Variants in PRTG observed in about 807,000 individuals in gnomAD.
PRTG encodes the protein protogenin, also known as immunoglobulin superfamily, DCC subclass, member 5.
PRTG carries 67 observed loss-of-function variants against 122.5 expected under a neutral mutation model. The ratio of observed to expected loss-of-function variants is 0.55; its 90% CI spans 0.45 to 0.67. PRTG has a LOEUF of 0.67. Among genes scored for constraint, PRTG ranks in the 30% least tolerant of loss-of-function variants. The probability of loss-of-function intolerance (pLI) is 0.00; values close to 1 mark genes in which losing one functional copy is unlikely to be tolerated. For missense variants in PRTG, 1,435 were observed against 1,415.4 expected (o/e 1.01, Z -0.22); for synonymous variants, 554 against 501.1 (o/e 1.11, Z -1.41).
chr15:55,708,910 C>T (rs781769050), intron 2 of PRTG, among the ~76,000 whole-genome samples: 23 of 151,664 alleles, frequency 1.5e-4, no homozygotes, highest in East Asian at 5.8e-4. Context: ...TTTGGGAGTC[C>T]GAGGCAGGCA....
At chr15:55,703,645 G>T (rs965661669) in intron 2 of PRTG, among the ~76,000 whole-genome samples, 2 of 152,220 alleles carry the variant, frequency 1.3e-5, no homozygotes, top group East Asian at 1.9e-4. Flanking sequence ...TCATTAAATT[G>T]TCAAAAAATT....
chr15:55,714,205 GTCTCTCTC>G (rs3049129), intron 2 of PRTG, among the ~76,000 whole-genome samples: 32 of 142,778 alleles, frequency 2.2e-4, no homozygotes, highest in Admixed American at 5.7e-4. Context: ...CTATTTATCT[GTCTCTCTC>G]TCTCTCTCTC....
intron 2 of PRTG, among the ~76,000 whole-genome samples, chr15:55,710,084 C>A (rs1268597053): frequency 6.6e-6 from 1 of 151,956 alleles, no homozygotes; most frequent in East Asian, 1.9e-4. Context: ...AGAAAAAAGC[C>A]CCCGAAGAAT....
At chr15:55,653,052 G>A (rs1291706327) in intron 11 of PRTG, among the ~76,000 whole-genome samples, 1 of 152,164 alleles carries the variant, frequency 6.6e-6, no homozygotes, top group Non-Finnish European at 1.5e-5. Context: ...TTGTTAATCA[G>A]AAACATTTTT....
At chr15:55,640,567 G>A (rs530449851) in intron 12 of PRTG, among the ~76,000 whole-genome samples, 96 of 152,292 alleles carry the variant, frequency 6.3e-4, no homozygotes, top group Middle Eastern at 3.4e-3. Context: ...ACAGCCTCGA[G>A]GGAAAAGCAG....
chr15:55,728,036 T>C (rs1426703316), intron 2 of PRTG, among the ~76,000 whole-genome samples: 3 of 152,070 alleles, frequency 2.0e-5, no homozygotes, highest in African/African-American at 4.8e-5. Flanking sequence ...AGCTAATTTT[T>C]TGTGTTTTTA....
chr15:55,727,802 A>G (rs761889066), intron 2 of PRTG, among the ~76,000 whole-genome samples: 2 of 152,190 alleles, frequency 1.3e-5, no homozygotes, highest in African/African-American at 4.8e-5. Context: ...ACTCAAAAGA[A>G]AAAAAGAAAC....
chr15:55,643,410 AT>A (rs1446274207), intron 11 of PRTG, among the ~76,000 whole-genome samples: 3 of 152,108 alleles, frequency 2.0e-5, no homozygotes, highest in Admixed American at 2.0e-4. Flanking sequence ...TATCCATTTT[AT>A]GTGTAAGCTG....
At position 55,624,506 on chromosome 15, in the gene PRTG, T is replaced by C. The variant is rs781358719; in HGVS notation, c.2929A>G (p.Lys977Glu). 2.5e-6 allele frequency: 4 copies of C among 1,608,186 alleles called. No homozygotes were observed. The African/African-American group carries it at 5.3e-5, about 22-fold the overall frequency. Reference sequence around the variant, plus strand: ...TGTGCCGTCTTGGAAGCAGATGATTTCCTAAAACATTGGCAAGAAGAGGAA... The same window carrying C: ...TGTGCCGTCTTGGAAGCAGATGATTCCCTAAAACATTGGCAAGAAGAGGAA... Reference protein sequence around the residue: ...LILIYRSKARKSSASKTAQNG... With the variant: ...LILIYRSKARESSASKTAQNG... The change falls in exon 18 of 20, where the codon AAA (lysine) becomes GAA (glutamate). Residue 977 changes from lysine (K) to glutamate (E), a missense_variant and splice_region_variant. By Grantham distance (56) the Lys-to-Glu change is moderately conservative. Transcript: ENST00000389286.
At chr15:55,679,743 C>A in intron 6 of PRTG, 1 of 418,746 alleles carries the variant, frequency 2.4e-6, no homozygotes. Flanking sequence ...GTGCAAGTGG[C>A]AATAATCAAG....
At chr15:55,710,582 T>C (rs897694755) in intron 2 of PRTG, among the ~76,000 whole-genome samples, 5 of 152,228 alleles carry the variant, frequency 3.3e-5, no homozygotes, top group Admixed American at 2.0e-4. Flanking sequence ...TACATTATAA[T>C]ATCCCAGAAT....
At chr15:55,693,235 T>C (rs1567102750) in intron 2 of PRTG, among the ~76,000 whole-genome samples, 2 of 152,060 alleles carry the variant, frequency 1.3e-5, no homozygotes, top group Non-Finnish European at 2.9e-5. Flanking sequence ...GGTGGGCAGA[T>C]CACCTGAGAT....
intron 2 of PRTG, among the ~76,000 whole-genome samples, chr15:55,694,029 G>A (rs2059619150): frequency 6.6e-6 from 1 of 152,002 alleles, no homozygotes; most frequent in East Asian, 1.9e-4. Flanking sequence ...TTTGCATAAA[G>A]GTATATAAAC....
rs959219632 is a variant in PRTG, at chr15:55,615,875, C to T, written c.*4137G>A. The T allele has an allele frequency of 1.3e-5, 2 of 152,084 alleles. No homozygotes were observed. The highest frequency in any genetic ancestry group is 2.4e-5 in the African/African-American group (1 of 41,410). 9.4% of individuals were successfully genotyped at this position (152,084 alleles called of 1,614,324 possible). A position where few individuals can be genotyped will look rare whatever the true frequency, so the allele number is the denominator to read the frequency against. The stretch of plus-strand genomic sequence containing the variant: ...TTTTCAATTCCAAATTCTTGTGACA[C>T]GATCTGAATTGTTTTCAAAGGTGTC... On this transcript the variant is annotated 3_prime_UTR_variant, in exon 20 of 20. Coordinates refer to ENST00000389286, the MANE Select transcript of PRTG (RefSeq NM_173814.6).
At chr15:55,730,433 TTATA>T (rs1405602251) in intron 2 of PRTG, among the ~76,000 whole-genome samples, 5 of 151,962 alleles carry the variant, frequency 3.3e-5, no homozygotes, top group African/African-American at 1.2e-4. Flanking sequence ...CTGGATTTGA[TTATA>T]TATATTTGAA....
At chr15:55,631,492 G>A (rs962894622) in intron 15 of PRTG, among the ~76,000 whole-genome samples, 2 of 152,166 alleles carry the variant, frequency 1.3e-5, no homozygotes, top group African/African-American at 4.8e-5. Flanking sequence ...TAGAAAAAAG[G>A]GAAACTATAA....
intron 2 of PRTG, among the ~76,000 whole-genome samples, chr15:55,700,545 G>T (rs930836592): frequency 6.6e-6 from 1 of 152,198 alleles, no homozygotes; most frequent in African/African-American, 2.4e-5. Context: ...ACTTCGGGAG[G>T]CAGAGGTGGG....
At chr15:55,672,257 C>T (rs2059476061) in intron 11 of PRTG, among the ~76,000 whole-genome samples, 188 bp downstream of exon 11, 1 of 152,206 alleles carries the variant, frequency 6.6e-6, no homozygotes, top group Non-Finnish European at 1.5e-5. Flanking sequence ...TATTTTGCCA[C>T]TGGACTCACA....
intron 11 of PRTG, among the ~76,000 whole-genome samples, chr15:55,656,773 G>A (rs1221375606): frequency 6.6e-6 from 1 of 152,210 alleles, no homozygotes; most frequent in Non-Finnish European, 1.5e-5. Flanking sequence ...TTCCCAAAGT[G>A]CTGGGATTAC....
Sources: allele counts gnomAD v4.1 joint callset (sites outside exome capture counted in the v4.1 genomes callset), GRCh38; gene constraint gnomAD v4.1.1; transcripts MANE v1.5; gene names NCBI Gene and HGNC (gene_info 2026-07-23, HGNC 2026-07-21).